PLCG1: variants seen among roughly 807,000 people sequenced by gnomAD.
The protein encoded by PLCG1 is phospholipase C gamma 1.
PLCG1 carries 71 observed loss-of-function variants against 177.8 expected under a neutral mutation model. The observed-to-expected ratio is 0.40, with a 90% CI of 0.33 to 0.49. The LOEUF (loss-of-function observed/expected upper bound fraction) is 0.49, where lower values mean the gene tolerates loss of function less well. PLCG1 is among the 20% of genes least tolerant of loss of function. PLCG1 has a pLI of 0.72. For synonymous variants in PLCG1, 658 were observed against 647.9 expected (o/e 1.02, Z -0.24); for missense variants, 1,281 against 1,709.0 (o/e 0.75, Z 4.42).
In PLCG1 at chr20:41,172,817, C is replaced by T; in HGVS notation, c.3219C>T (p.Ala1073=). ...VLQPSTMRDE[A]FDPFDKSSLR... ...AGCCAAGCACCATGCGGGATGAGGC[C>T]TTCGACCCCTTTGACAAGAGCAGCC... The change falls in exon 27 of 32, where the codon GCC becomes GCT. Residue 1073 remains alanine, a synonymous_variant. Coordinates refer to ENST00000685551, the MANE Select transcript of PLCG1 (RefSeq NM_002660.3). This position sits in a 1 kb window ranked among gnomAD's most constrained non-coding sequence, Gnocchi z 7.0. The T allele has an allele frequency of 6.2e-7, 1 of 1,614,216 alleles. No individual in the cohort carries two copies. The highest frequency in any genetic ancestry group is 1.3e-5 in the African/African-American group (1 of 75,046).
chr20:41,159,560 T>G lies in PLCG1; in HGVS notation c.218-46T>G. Reference sequence around the variant, plus strand: ...AGGCTGCCCTCCTTTCGGTGTTGACTCTGGGAGACCCCAGCTTGATCTTGG... The same window carrying G: ...AGGCTGCCCTCCTTTCGGTGTTGACGCTGGGAGACCCCAGCTTGATCTTGG... On this transcript the variant is annotated intron_variant, in intron 1 of 31. Transcript: ENST00000685551. This position sits in a 1 kb window ranked among gnomAD's most constrained non-coding sequence, Gnocchi z 6.0. The G allele has an allele frequency of 6.2e-7, 1 of 1,602,888 alleles. No individual in the cohort carries two copies. The highest frequency in any genetic ancestry group is 8.5e-7 in the Non-Finnish European group (1 of 1,173,730).
rs762122583 is a variant in PLCG1, at chr20:41,157,042, C to T, written c.218-2564C>T. ...CCAGGGCCAGGCTGGTGCCTTCTTACGGAAGACAGTACAAGGGATCAGGTG... is the reference window on the plus strand; with the variant it reads ...CCAGGGCCAGGCTGGTGCCTTCTTATGGAAGACAGTACAAGGGATCAGGTG... On this transcript the variant is annotated intron_variant, in intron 1 of 31. Coordinates refer to ENST00000685551, the MANE Select transcript of PLCG1 (RefSeq NM_002660.3). The surrounding 1 kb of genome is among the most constrained non-coding windows in gnomAD (Gnocchi z 5.4). Among the ~76,000 whole-genome samples the T allele has an allele frequency of 2.6e-5, 4 of 152,232 alleles. No homozygotes were observed. Among genetic ancestry groups the T allele is most frequent in the African/African-American group, 7.2e-5 (3 of 41,456 alleles).
In PLCG1 at chr20:41,165,614, C is replaced by T. The variant is rs759734985; in HGVS notation, c.1612-25C>T. On this transcript the variant is annotated intron_variant, in intron 15 of 31. Coordinates refer to ENST00000685551, the MANE Select transcript of PLCG1 (RefSeq NM_002660.3). This position sits in a 1 kb window ranked among gnomAD's most constrained non-coding sequence, Gnocchi z 6.6. ...CAGGCCTGGGCCAGGGTCACAGTAT[C>T]TTTGCTGTTGCCTTCCCCTGACAGG... 1 of 1,611,750 alleles carries T rather than the reference C, an allele frequency of 6.2e-7. No homozygotes were observed. Among genetic ancestry groups the T allele is most frequent in the South Asian group, 1.1e-5 (1 of 90,992 alleles).
chr20:41,169,007 C>T (rs8183460), intron 21 of PLCG1, 72 bp from the exon 22 acceptor site: 1 of 1,298,796 alleles, frequency 7.7e-7, no homozygotes, highest in South Asian at 1.2e-5. Context: ...CATGGGAACC[C>T]CTACCAAAGG....
At chr20:41,154,737 C>G (rs2035265684) in intron 1 of PLCG1, among the ~76,000 whole-genome samples, 1 of 152,222 alleles carries the variant, frequency 6.6e-6, no homozygotes, top group African/African-American at 2.4e-5. Flanking sequence ...TCCAGACTGG[C>G]TGCCCGCCAT....
Position 41,159,774 on chromosome 20 carries a change from G to C in PLCG1, c.370+16G>C. ...AGCCTGCAAGGTGGGAGTTAAGGGG[G>C]TAGAGGAGGTAGAGGATAGTTAGGG... On this transcript the variant is annotated intron_variant, in intron 2 of 31. Coordinates refer to ENST00000685551, the MANE Select transcript of PLCG1 (RefSeq NM_002660.3). The surrounding 1 kb of genome is among the most constrained non-coding windows in gnomAD (Gnocchi z 6.0). 1 of 1,614,122 alleles carries C rather than the reference G, an allele frequency of 6.2e-7. No individual in the cohort carries two copies. Among genetic ancestry groups the C allele is most frequent in the Non-Finnish European group, 8.5e-7 (1 of 1,179,966 alleles).
At chr20:41,143,513 G>A (rs2145999274) in intron 1 of PLCG1, among the ~76,000 whole-genome samples, 1 of 152,320 alleles carries the variant, frequency 6.6e-6, no homozygotes, top group East Asian at 1.9e-4. Flanking sequence ...CTTGTAGAGT[G>A]CCTTGTTGAG....
At position 41,169,210 on chromosome 20, in the gene PLCG1, T is replaced by C. The variant is rs367904407; in HGVS notation, c.2580+35T>C. On this transcript the variant is annotated intron_variant, in intron 22 of 31. Transcript: ENST00000685551. ...GAACCACCTGAGTAACAGCATTCCC[T>C]ATTCCCAGATTCTCCTTGGCATGCC... The C allele has an allele frequency of 2.9e-5, 41 of 1,426,914 alleles. No homozygotes were observed. The African/African-American group carries it at 5.5e-4, about 19-fold the overall frequency. 88.4% of individuals were successfully genotyped at this position (1,426,914 alleles called of 1,614,324 possible).
chr20:41,174,607 G>A lies in PLCG1; in HGVS notation c.*98G>A, dbSNP rs2036006973. The A allele has an allele frequency of 2.0e-5, 21 of 1,027,380 alleles. No individual in the cohort carries two copies. Among genetic ancestry groups the A allele is most frequent in the East Asian group, 5.2e-5 (2 of 38,412 alleles). The allele number at this position is 1,027,380 out of a possible 1,614,324, so 63.6% of individuals were successfully genotyped here. A position where few individuals can be genotyped will look rare whatever the true frequency, so the allele number is the denominator to read the frequency against. ...AAGCAGCCCCCTGTGGCGGCCTTCC[G>A]GGTCTCGCAGCCTGAAGCCTGGATT... is the stretch of plus-strand genomic sequence containing the variant. On this transcript the variant is annotated 3_prime_UTR_variant, in exon 32 of 32. Transcript: ENST00000685551. This position sits in a 1 kb window ranked among gnomAD's most constrained non-coding sequence, Gnocchi z 5.8.
Position 41,166,680 on chromosome 20 carries a change from G to A in PLCG1, c.2122G>A (p.Ala708Thr). The A allele has an allele frequency of 6.2e-7, 1 of 1,614,156 alleles. No homozygotes were observed. The highest frequency in any genetic ancestry group is 8.5e-7 in the Non-Finnish European group (1 of 1,180,014). ...TGTGACTGTTTTGTCCTTGTGAAGG[G>A]CTGAGGGCAAGATCAAGCATTGCCG... Reference protein sequence around the residue: ...EPNSYAISFRAEGKIKHCRVQ... With the variant: ...EPNSYAISFRTEGKIKHCRVQ... Residue 708 changes from alanine to threonine, a missense_variant and splice_region_variant, in exon 19 of 32, where the codon GCT (alanine) becomes ACT (threonine). Physicochemically the swap from Ala to Thr is moderately conservative, Grantham distance 58. Around this residue, in one of 4 missense-constraint regions of PLCG1, gnomAD observed 723 missense variants for 1,030.0 expected, o/e 0.70. Transcript: ENST00000685551. This position sits in a 1 kb window ranked among gnomAD's most constrained non-coding sequence, Gnocchi z 8.6.
intron 1 of PLCG1, among the ~76,000 whole-genome samples, chr20:41,139,537 C>T (rs976284538): frequency 2.6e-5 from 4 of 152,156 alleles, no homozygotes; most frequent in Admixed American, 6.5e-5. Flanking sequence ...GTGTGTTTCC[C>T]GGCCAGTTAC....
chr20:41,168,626 C>T, intron 20 of PLCG1, 141 bp from the exon 21 acceptor site: 1 of 624,386 alleles, frequency 1.6e-6, no homozygotes, highest in Non-Finnish European at 3.0e-6. Flanking sequence ...ATAACTAGGG[C>T]CTGTTGATGG....
intron 4 of PLCG1, 29 bp from the exon 5 acceptor site, chr20:41,162,423 G>T (rs1364576186): frequency 6.4e-7 from 1 of 1,572,222 alleles, no homozygotes; most frequent in Non-Finnish European, 8.8e-7. Flanking sequence ...AGCTGGATGA[G>T]ACCACTGGGG....
At chr20:41,168,685 A>G (rs1323419892) in intron 20 of PLCG1, 82 bp from the exon 21 acceptor site, 16 of 814,016 alleles carry the variant, frequency 2.0e-5, no homozygotes, top group South Asian at 2.9e-5. Context: ...GCCCAAGCAC[A>G]TGTGTGTGTG....
intron 1 of PLCG1, among the ~76,000 whole-genome samples, chr20:41,155,559 C>T (rs548700317): frequency 6.6e-6 from 1 of 152,252 alleles, no homozygotes; most frequent in South Asian, 2.1e-4. Context: ...CTGTAAGAGT[C>T]CCCCTTCTCC....
chr20:41,172,565 G>A lies in PLCG1; in HGVS notation c.3050G>A (p.Arg1017Gln). 6.2e-7 allele frequency: 1 copy of A among 1,614,218 alleles called. No individual in the cohort carries two copies. Among genetic ancestry groups the A allele is most frequent in the Non-Finnish European group, 8.5e-7 (1 of 1,180,026 alleles). Residue 1017 changes from arginine to glutamine, a missense_variant, in exon 26 of 32, where the codon CGA (arginine) becomes CAA (glutamine). Physicochemically the swap from Arg to Gln is conservative, Grantham distance 43. Coordinates refer to ENST00000685551, the MANE Select transcript of PLCG1 (RefSeq NM_002660.3). The surrounding 1 kb of genome is among the most constrained non-coding windows in gnomAD (Gnocchi z 7.0). Reference sequence around the variant, plus strand: ...TCCCGCATCTACCCCAAGGGCCAGCGACTGGATTCCTCCAACTACGATCCT... The same window carrying A: ...TCCCGCATCTACCCCAAGGGCCAGCAACTGGATTCCTCCAACTACGATCCT... ...QLSRIYPKGQ[R>Q]LDSSNYDPLP...
At position 41,163,718 on chromosome 20, in the gene PLCG1, G is replaced by T. The variant is rs1478089489; in HGVS notation, c.895G>T (p.Val299Phe). Residue 299 changes from valine to phenylalanine, a missense_variant, in exon 10 of 32, where the codon GTC (valine) becomes TTC (phenylalanine). This residue lies in a region of PLCG1 where 374 missense variants were observed against 443.8 expected (regional missense o/e 0.84). Transcript: ENST00000685551. This position sits in a 1 kb window ranked among gnomAD's most constrained non-coding sequence, Gnocchi z 5.2. ...EEPYFFLDEF[V>F]TFLFSKENSV... Reference sequence around the variant, plus strand: ...CCTTCCACATGTTTCTGGACAGTTTGTCACCTTCCTGTTCTCCAAAGAGAA... The same window carrying T: ...CCTTCCACATGTTTCTGGACAGTTTTTCACCTTCCTGTTCTCCAAAGAGAA... 2.5e-6 allele frequency: 4 copies of T among 1,601,732 alleles called. No individual in the cohort carries two copies. Among genetic ancestry groups the T allele is most frequent in the Non-Finnish European group, 3.4e-6 (4 of 1,168,796 alleles).
chr20:41,162,238 T>TTG (rs1555813879), intron 4 of PLCG1: 42 of 245,246 alleles, frequency 1.7e-4, no homozygotes, highest in African/African-American at 9.3e-4. Flanking sequence ...TGTTTTTGTT[T>TTG]TTTTTTTTTT....
chr20:41,174,764 G>A lies in PLCG1; in HGVS notation c.*255G>A, dbSNP rs1199706008. 2.0e-6 allele frequency: 1 copy of A among 506,486 alleles called. No individual in the cohort carries two copies. The highest frequency in any genetic ancestry group is 3.6e-6 in the Non-Finnish European group (1 of 279,402). The allele number at this position is 506,486 out of a possible 1,614,324, so 31.4% of individuals were successfully genotyped here. On this transcript the variant is annotated 3_prime_UTR_variant, in exon 32 of 32. Coordinates refer to ENST00000685551, the MANE Select transcript of PLCG1 (RefSeq NM_002660.3). This position sits in a 1 kb window ranked among gnomAD's most constrained non-coding sequence, Gnocchi z 5.8. ...GCATTAAGCACACACATCTGGCCCTGACTTCTGGAGATGGATCCTTCCATC... is the reference window on the plus strand; with the variant it reads ...GCATTAAGCACACACATCTGGCCCTAACTTCTGGAGATGGATCCTTCCATC...
Sources: gnomAD v4.1 joint callset for allele counts (sites outside exome capture counted in the v4.1 genomes callset) on GRCh38, gnomAD v4.1.1 for gene constraint, gnomAD v4.1.1 regional missense constraint, Gnocchi (gnomAD v3.1) non-coding constraint, MANE v1.5 for transcripts, NCBI Gene and HGNC (gene_info 2026-07-23, HGNC 2026-07-21) for gene names.